Variants in SEMA3D observed in about 807,000 individuals in gnomAD.
SEMA3D encodes semaphorin-3D.
SEMA3D carries 84 observed loss-of-function variants against 100.1 expected under a neutral mutation model. That is an observed-to-expected ratio of 0.84 (90% CI 0.70 to 1.01). The LOEUF (loss-of-function observed/expected upper bound fraction) is 1.01, where lower values mean the gene tolerates loss of function less well. Ranked by LOEUF, SEMA3D falls within the 50% of genes least tolerant of loss-of-function variation. SEMA3D has a pLI of 0.00. For missense variants in SEMA3D, 875 were observed against 934.1 expected (o/e 0.94, Z 0.82); for synonymous variants, 312 against 320.7 (o/e 0.97, Z 0.29).
chr7:85,111,599 A>G lies in SEMA3D; in HGVS notation c.151+10142T>C, dbSNP rs527853147. On this transcript the variant is annotated intron_variant, in intron 3 of 18. Coordinates refer to ENST00000284136, the MANE Select transcript of SEMA3D (RefSeq NM_001384900.1). The stretch of plus-strand genomic sequence containing the variant: ...CACATGAATTATTACAATAGCCTCA[A>G]ACTTGGCTCCCTATTTCTCGATCTC... Among the ~76,000 whole-genome samples the G allele has an allele frequency of 5.9e-5, 9 of 152,154 alleles. No homozygotes were observed. In the East Asian group the frequency reaches 1.5e-3, roughly 26 times the overall value.
the SEMA3D span, among the ~76,000 whole-genome samples, chr7:85,230,770 A>G: frequency 1.3e-5 from 2 of 152,298 alleles, no homozygotes; most frequent in Admixed American, 1.3e-4. Flanking sequence ...AATGTCGTCT[A>G]CTTTCTCAAA....
chr7:85,211,685 G>C, the SEMA3D span, among the ~76,000 whole-genome samples: 1 of 151,998 alleles, frequency 6.6e-6, no homozygotes, highest in Non-Finnish European at 1.5e-5. Context: ...AACTGTGTGC[G>C]TGTGCTCTTC....
intron 12 of SEMA3D, among the ~76,000 whole-genome samples, chr7:85,035,549 C>T (rs1790671328): frequency 6.6e-6 from 1 of 151,836 alleles, no homozygotes. Flanking sequence ...ATAATAGAAT[C>T]AAAAAGCAGA....
rs986386849 is a variant in SEMA3D at position 85,061,441 on chromosome 7, G to A, written c.718+3983C>T. Among the ~76,000 whole-genome samples, 8 of 152,040 alleles carry A rather than the reference G, an allele frequency of 5.3e-5. No individual in the cohort carries two copies. In the East Asian group the frequency reaches 5.8e-4, roughly 11 times the overall value. The stretch of plus-strand genomic sequence containing the variant: ...GAATTTTAAACCCCCTAAGTGCTTC[G>A]GTGATAAAAATGGATTTATAAAAGA... On this transcript the variant is annotated intron_variant, in intron 8 of 18. Coordinates refer to ENST00000284136, the MANE Select transcript of SEMA3D (RefSeq NM_001384900.1).
At chr7:85,211,439 T>C in the SEMA3D span, among the ~76,000 whole-genome samples, 1 of 152,184 alleles carries the variant, frequency 6.6e-6, no homozygotes, top group Non-Finnish European at 1.5e-5. Flanking sequence ...TCTTTTATAT[T>C]GATACTTGAA....
At chr7:85,063,478 A>AT (rs1791531570) in intron 8 of SEMA3D, among the ~76,000 whole-genome samples, 1 of 152,122 alleles carries the variant, frequency 6.6e-6, no homozygotes, top group South Asian at 2.1e-4. Flanking sequence ...AATTTATTTT[A>AT]TTCTACTGGC....
intron 2 of SEMA3D, among the ~76,000 whole-genome samples, chr7:85,135,332 T>C (rs1789828259): frequency 6.6e-6 from 1 of 152,096 alleles, no homozygotes; most frequent in Admixed American, 6.6e-5. Context: ...CTCAACTGGT[T>C]ATGGTTTGCA....
chr7:85,130,302 A>G (rs2116431000), intron 2 of SEMA3D, among the ~76,000 whole-genome samples: 1 of 152,294 alleles, frequency 6.6e-6, no homozygotes, highest in Admixed American at 6.5e-5. Flanking sequence ...TTTTCTTTCA[A>G]CAAATGAAAG....
chr7:85,026,422 T>C (rs1406289370), intron 12 of SEMA3D, among the ~76,000 whole-genome samples: 1 of 152,060 alleles, frequency 6.6e-6, no homozygotes, highest in African/African-American at 2.4e-5. Context: ...CCACAGATTT[T>C]GAATTAATTA....
At position 84,999,293 on chromosome 7, in the gene SEMA3D, T is replaced by A; in HGVS notation, c.*147A>T. The A allele has an allele frequency of 4.5e-6, 3 of 670,860 alleles. No homozygotes were observed. The highest frequency in any genetic ancestry group is 7.4e-6 in the Non-Finnish European group (3 of 407,094). The allele number at this position is 670,860 out of a possible 1,614,324, so 41.6% of individuals were successfully genotyped here. The stretch of plus-strand genomic sequence containing the variant: ...ATGAATTTTTTGCCCTTTCTTATAT[T>A]CATCACATATTGTCTTATTCAGATT... On this transcript the variant is annotated 3_prime_UTR_variant, in exon 19 of 19. Coordinates refer to ENST00000284136, the MANE Select transcript of SEMA3D (RefSeq NM_001384900.1).
Position 85,043,875 on chromosome 7 carries a change from A to AT in SEMA3D, c.862-1591dup, listed in dbSNP as rs1035643195. On this transcript the variant is annotated intron_variant, in intron 9 of 18. Transcript: ENST00000284136. ...TGAAACTGTGAGTCCAATTAAACCTATTTTTTTTAATAAATTCCCCAGTTT... is the reference window on the plus strand; with the variant it reads ...TGAAACTGTGAGTCCAATTAAACCTATTTTTTTTTAATAAATTCCCCAGTTT... Among the ~76,000 whole-genome samples, 10 of 151,904 alleles carry AT rather than the reference A, an allele frequency of 6.6e-5. No individual in the cohort carries two copies. In the South Asian group the frequency reaches 8.3e-4, roughly 13 times the overall value.
chr7:85,096,061 A>G (rs376100478), intron 4 of SEMA3D, among the ~76,000 whole-genome samples: 2 of 152,016 alleles, frequency 1.3e-5, no homozygotes, highest in South Asian at 4.1e-4. Context: ...GCTTTTTGCT[A>G]GTATGGTAAA....
intron 9 of SEMA3D, among the ~76,000 whole-genome samples, chr7:85,045,141 T>C (rs759510722): frequency 1.4e-4 from 21 of 151,972 alleles, no homozygotes; most frequent in Non-Finnish European, 1.9e-4. Flanking sequence ...TATGTAGAGA[T>C]TGGTTCAGGT....
At chr7:85,016,882 G>A (rs1289764844) in intron 15 of SEMA3D, among the ~76,000 whole-genome samples, 1 of 149,684 alleles carries the variant, frequency 6.7e-6, no homozygotes, top group African/African-American at 2.5e-5. Context: ...AGGCTCCTGA[G>A]TAGCTGCACT....
At chr7:85,210,705 G>T in the SEMA3D span, among the ~76,000 whole-genome samples, 1 of 151,988 alleles carries the variant, frequency 6.6e-6, no homozygotes, top group African/African-American at 2.4e-5. Context: ...ATGGAAACTG[G>T]TTTATCTATT....
chr7:85,188,930 C>A (rs10262095), upstream of SEMA3D, among the ~76,000 whole-genome samples: 705 of 152,286 alleles, frequency 4.6e-3, 2 homozygotes, highest in African/African-American at 0.016. Flanking sequence ...GCATCCCATA[C>A]AAAAGTGTTG....
chr7:85,084,485 T>G (rs1788161190), intron 4 of SEMA3D, among the ~76,000 whole-genome samples: 1 of 152,180 alleles, frequency 6.6e-6, no homozygotes, highest in African/African-American at 2.4e-5. Context: ...GTACACAGAA[T>G]ACTTTTCCAT....
chr7:85,084,453 T>TA (rs1013264578), intron 4 of SEMA3D, among the ~76,000 whole-genome samples: 1 of 152,196 alleles, frequency 6.6e-6, no homozygotes, highest in African/African-American at 2.4e-5. Context: ...AAGGACAACT[T>TA]TATATCATTG....
intron 2 of SEMA3D, among the ~76,000 whole-genome samples, chr7:85,126,732 A>G (rs550610616): frequency 1.3e-5 from 2 of 152,212 alleles, no homozygotes; most frequent in East Asian, 3.9e-4. Context: ...TGGACAGCAC[A>G]ACAAAGAGGG....
Sources: gnomAD v4.1 joint callset for allele counts (sites outside exome capture counted in the v4.1 genomes callset) on GRCh38, gnomAD v4.1.1 for gene constraint, MANE v1.5 for transcripts, NCBI Gene and HGNC (gene_info 2026-07-23, HGNC 2026-07-21) for gene names.